The following PBX3 variants were observed in gnomAD, a reference collection of about 807,000 sequenced individuals.
The protein encoded by PBX3 is PBX homeobox 3.
A neutral mutation model predicts 48.5 loss-of-function variants in PBX3; 14 were observed. The ratio of observed to expected loss-of-function variants is 0.29; its 90% CI spans 0.19 to 0.45. The LOEUF is 0.45. PBX3 is among the 20% of genes least tolerant of loss of function. The pLI is 1.00. For missense variants in PBX3, 386 were observed against 546.7 expected, an observed-to-expected ratio of 0.71 and a Z score of 2.93; for synonymous variants, 210 against 200.3, an observed-to-expected ratio of 1.05 and a Z score of -0.41.
At chr9:125,827,373 T>C (rs1239492586) in intron 2 of PBX3, among the ~76,000 whole-genome samples, 1 of 152,178 alleles carries the variant, frequency 6.6e-6, no homozygotes, top group East Asian at 1.9e-4. Context: ...TCCATTTACA[T>C]ATGTTTGAAG....
chr9:125,899,278 T>C (rs185392305), intron 2 of PBX3, among the ~76,000 whole-genome samples: 2 of 118,534 alleles, frequency 1.7e-5, no homozygotes, highest in East Asian at 3.2e-4. Context: ...AATATACATA[T>C]GTATATATAT....
intron 2 of PBX3, among the ~76,000 whole-genome samples, chr9:125,861,663 C>G (rs577357876): frequency 5.3e-5 from 8 of 152,258 alleles, no homozygotes; most frequent in African/African-American, 1.7e-4. Context: ...TTGATACATG[C>G]TACAACATGT....
intron 4 of PBX3, among the ~76,000 whole-genome samples, chr9:125,933,600 T>C (rs978704135): frequency 2.0e-5 from 3 of 151,948 alleles, no homozygotes; most frequent in African/African-American, 7.3e-5. Flanking sequence ...TGCTTACATA[T>C]AGTGGAATTG....
intron 2 of PBX3, among the ~76,000 whole-genome samples, chr9:125,767,886 A>G (rs551014473): frequency 6.6e-6 from 1 of 152,156 alleles, no homozygotes; most frequent in East Asian, 1.9e-4. Flanking sequence ...AGAAAAATGG[A>G]ATAGAACAAT....
intron 7 of PBX3, among the ~76,000 whole-genome samples, chr9:125,962,490 A>G (rs952973937): frequency 1.5e-4 from 23 of 152,300 alleles, no homozygotes; most frequent in African/African-American, 5.3e-4. Flanking sequence ...CACAAAATAG[A>G]ACAGAAAAAT....
At chr9:125,944,352 G>A (rs1199413143) in intron 5 of PBX3, among the ~76,000 whole-genome samples, 2 of 152,182 alleles carry the variant, frequency 1.3e-5, no homozygotes, top group Non-Finnish European at 2.9e-5. Flanking sequence ...TACTTACCAG[G>A]ATTTTTGGCT....
chr9:125,819,961 T>C (rs925062667), intron 2 of PBX3, among the ~76,000 whole-genome samples: 6 of 152,236 alleles, frequency 3.9e-5, no homozygotes, highest in Non-Finnish European at 5.9e-5. Flanking sequence ...AGGATTAATA[T>C]GGAATTTGTA....
rs566424894 is a variant in PBX3 at position 125,818,938 on chromosome 9, G to A, written c.274+70315G>A. Among the ~76,000 whole-genome samples the A allele has an allele frequency of 2.6e-5, 4 of 151,930 alleles. 1 individual carries two copies. The South Asian group carries it at 8.3e-4, about 32-fold the overall frequency. ...GCAGCCTCCGTCTCCCAGGTTCAAG[G>A]AATTCACCTGCCTCAACCTCCCGAG... is the stretch of plus-strand genomic sequence containing the variant. On this transcript the variant is annotated intron_variant, in intron 2 of 8. Coordinates refer to ENST00000373489, the MANE Select transcript of PBX3 (RefSeq NM_006195.6).
chr9:125,812,476 G>T (rs1255116540), intron 2 of PBX3, among the ~76,000 whole-genome samples: 2 of 152,134 alleles, frequency 1.3e-5, no homozygotes, highest in African/African-American at 4.8e-5. Flanking sequence ...TCCATTTACA[G>T]ACTTAAGAGT....
intron 2 of PBX3, among the ~76,000 whole-genome samples, chr9:125,795,656 C>T (rs1837756703): frequency 6.6e-6 from 1 of 152,084 alleles, no homozygotes; most frequent in African/African-American, 2.4e-5. Context: ...GAGGGCTTTA[C>T]CCAGAGGCAC....
chr9:125,884,814 A>G (rs1342439444), intron 2 of PBX3, among the ~76,000 whole-genome samples: 1 of 152,162 alleles, frequency 6.6e-6, no homozygotes, highest in African/African-American at 2.4e-5. Context: ...TTATTTGGGG[A>G]TGCATAACTT....
intron 2 of PBX3, among the ~76,000 whole-genome samples, chr9:125,753,612 T>C (rs938696004): frequency 3.3e-5 from 5 of 152,104 alleles, no homozygotes; most frequent in Non-Finnish European, 5.9e-5. Context: ...CAAGTAATTC[T>C]TTTGTTCCTT....
At chr9:125,789,948 G>C (rs1256740146) in intron 2 of PBX3, among the ~76,000 whole-genome samples, 2 of 152,152 alleles carry the variant, frequency 1.3e-5, no homozygotes, top group Non-Finnish European at 1.5e-5. Flanking sequence ...GAAATAGTGG[G>C]AGTTCCAGGT....
In PBX3 at chr9:125,791,023, C is replaced by G. The variant is rs889893135; in HGVS notation, c.274+42400C>G. 2.0e-5 allele frequency among the ~76,000 whole-genome samples: 3 copies of G among 151,434 alleles called. No individual in the cohort carries two copies. In the East Asian group the frequency reaches 5.9e-4, roughly 30 times the overall value. ...CTGCCTCCTGGGTTCAAGCAGTTCT[C>G]CCTGCCTCAGCCTCCCGAGTAGCTG... On this transcript the variant is annotated intron_variant, in intron 2 of 8. Transcript: ENST00000373489.
chr9:125,883,177 G>A (rs1840421034), intron 2 of PBX3, among the ~76,000 whole-genome samples: 1 of 152,184 alleles, frequency 6.6e-6, no homozygotes, highest in African/African-American at 2.4e-5. Flanking sequence ...GAATTCTAGT[G>A]TTTTAAAACA....
chr9:125,835,990 T>C (rs1263585518), intron 2 of PBX3, among the ~76,000 whole-genome samples: 18 of 152,212 alleles, frequency 1.2e-4, no homozygotes. Flanking sequence ...GTGATACATA[T>C]ATTAATACAT....
rs138965100 is a variant in PBX3, at chr9:125,778,605, CTTT to C, written c.274+29994_274+29996del. Among the ~76,000 whole-genome samples, 24 of 132,902 alleles carry C rather than the reference CTTT, an allele frequency of 1.8e-4. 1 individual carries two copies. In the Admixed American group the frequency reaches 1.8e-3, roughly 10 times the overall value. The allele number at this position is 132,902 out of a possible 152,430, so 87.2% of individuals were successfully genotyped here. ...AGTTTATCAATTTTGTTGATCTTTT[CTTT>C]TTTTTTTTTTTCATATTTTCTATTT... On this transcript the variant is annotated intron_variant, in intron 2 of 8. Transcript: ENST00000373489.
intron 5 of PBX3, among the ~76,000 whole-genome samples, chr9:125,937,414 G>C (rs1841863162): frequency 6.6e-6 from 1 of 151,286 alleles, no homozygotes; most frequent in South Asian, 2.1e-4. Flanking sequence ...TGGAAAAATA[G>C]CTTTATTATG....
intron 1 of PBX3, chr9:125,748,258 T>C: frequency 2.8e-6 from 3 of 1,059,158 alleles, no homozygotes; most frequent in Non-Finnish European, 3.4e-6. Flanking sequence ...CGGGTCGCCT[T>C]CGCCTGCCCC....
Sources: gnomAD v4.1 joint callset for allele counts (sites outside exome capture counted in the v4.1 genomes callset) on GRCh38, gnomAD v4.1.1 for gene constraint, MANE v1.5 for transcripts, NCBI Gene and HGNC (gene_info 2026-07-23, HGNC 2026-07-21) for gene names.